The following COL4A3 variants were observed in gnomAD, a reference collection of about 807,000 sequenced individuals.
The protein encoded by COL4A3 is collagen type IV alpha 3 chain, also known as collagen alpha-3(IV) chain.
In COL4A3, 135 loss-of-function variants were observed where a neutral mutation model predicts 217.4. The ratio of observed to expected loss-of-function variants is 0.62; its 90% CI spans 0.54 to 0.72. The LOEUF is 0.72. Among genes scored for constraint, COL4A3 ranks in the 30% least tolerant of loss-of-function variants. COL4A3 has a pLI of 0.00. For missense variants in COL4A3, 1,868 were observed against 2,119.9 expected (o/e 0.88, Z 2.33); for synonymous variants, 690 against 736.3 (o/e 0.94, Z 1.02).
intron 47 of COL4A3, among the ~76,000 whole-genome samples, chr2:227,306,884 C>T (rs1043675683): frequency 3.3e-5 from 5 of 152,076 alleles, no homozygotes; most frequent in South Asian, 2.1e-4. Context: ...AGGGAGTCAG[C>T]GTACAGTGGC....
chr2:227,283,902 G>A (rs2072150671), intron 33 of COL4A3, 46 bp downstream of exon 33: 1 of 1,491,926 alleles, frequency 6.7e-7, no homozygotes, highest in Non-Finnish European at 9.4e-7. Context: ...CATAAACAAT[G>A]TTCATTTATT....
intron 30 of COL4A3, 82 bp downstream of exon 30, chr2:227,280,672 A>G (rs950012838): frequency 5.7e-5 from 85 of 1,487,678 alleles, no homozygotes; most frequent in Non-Finnish European, 6.9e-5. Flanking sequence ...TGTTCTAGGC[A>G]TGAAGAATTC....
chr2:227,282,489 T>C lies in COL4A3; in HGVS notation c.2613T>C (p.Gly871=), dbSNP rs2072047538. ...PGHQGEMGPL[G]QRGYPGNPGI... ...ATCAAGGTGAAATGGGACCACTGGG[T>C]CAAAGAGGATATCCAGGAAATCCGG... The change falls in exon 32 of 52, where the codon GGT becomes GGC. Residue 871 remains glycine (G), a synonymous_variant. Coordinates refer to ENST00000396578, the MANE Select transcript of COL4A3 (RefSeq NM_000091.5). The surrounding 1 kb of genome is among the most constrained non-coding windows in gnomAD (Gnocchi z 4.4). The C allele has an allele frequency of 2.5e-6, 4 of 1,613,840 alleles. No homozygotes were observed. The highest frequency in any genetic ancestry group is 3.4e-6 in the Non-Finnish European group (4 of 1,179,946).
At position 227,273,078 on chromosome 2, in the gene COL4A3, C is replaced by A. The variant is rs2071338833; in HGVS notation, c.1888C>A (p.Gln630Lys). ...AGGAGAACCTGGTCTCCAGGGCACG[C>A]AAGGAGTTCCTGGAGCCCCCGGACC... ...PQGEPGLQGT[Q>K]GVPGAPGPPG... The change falls in exon 26 of 52, where the codon CAA becomes AAA. Residue 630 changes from glutamine (Q) to lysine (K), a missense_variant. By Grantham distance (53) the Gln-to-Lys change is moderately conservative. Around this residue, in one of 2 missense-constraint regions of COL4A3, gnomAD observed 1,503 missense variants for 1,786.1 expected, o/e 0.84. Transcript: ENST00000396578. 6.2e-7 allele frequency: 1 copy of A among 1,613,916 alleles called. No homozygotes were observed. The highest frequency in any genetic ancestry group is 8.5e-7 in the Non-Finnish European group (1 of 1,180,034).
chr2:227,187,659 C>A (rs1217003814), intron 1 of COL4A3, among the ~76,000 whole-genome samples: 1 of 152,138 alleles, frequency 6.6e-6, no homozygotes, highest in African/African-American at 2.4e-5. Context: ...GCCCATTGTC[C>A]CTTCCACAGT....
At chr2:227,196,168 A>G (rs13392414) in intron 1 of COL4A3, among the ~76,000 whole-genome samples, 115,270 of 151,990 alleles carry the variant, frequency 0.76, 43,914 homozygotes, top group African/African-American at 0.8. Context: ...GGTAGCCTAA[A>G]TGTACAGTGT....
At chr2:227,229,177 T>C (rs75536146) in intron 1 of COL4A3, among the ~76,000 whole-genome samples, 14,783 of 152,172 alleles carry the variant, frequency 0.097, 884 homozygotes, top group East Asian at 0.28. Context: ...ACTGCGAGAA[T>C]TGAGATCAAG....
chr2:227,196,900 A>G (rs1474224195), intron 1 of COL4A3, among the ~76,000 whole-genome samples: 2 of 143,830 alleles, frequency 1.4e-5, no homozygotes, highest in Admixed American at 1.4e-4. Context: ...TCTCATCTTG[A>G]ATTGTGTAGC....
intron 2 of COL4A3, among the ~76,000 whole-genome samples, chr2:227,239,885 C>A (rs187650756): frequency 6.6e-6 from 1 of 152,148 alleles, no homozygotes; most frequent in African/African-American, 2.4e-5. Flanking sequence ...CATAGCCCTA[C>A]CATTTGGGAG....
intron 34 of COL4A3, among the ~76,000 whole-genome samples, chr2:227,286,597 A>G (rs1050222175): frequency 4.6e-5 from 7 of 152,216 alleles, no homozygotes; most frequent in Non-Finnish European, 5.9e-5. Flanking sequence ...GCCCAATGAC[A>G]CTCTGATAGG....
In COL4A3 at chr2:227,293,178, G is replaced by A. The variant is rs200555661; in HGVS notation, c.3211-13G>A. On this transcript the variant is annotated splice_polypyrimidine_tract_variant and intron_variant, in intron 37 of 51. Coordinates refer to ENST00000396578, the MANE Select transcript of COL4A3 (RefSeq NM_000091.5). ...TTATATGAGAATTTTAAAGGTATTT[G>A]ACTACATTTAAGGGGGATCCAGGAC... is the stretch of plus-strand genomic sequence containing the variant. 6.2e-7 allele frequency: 1 copy of A among 1,613,674 alleles called. No homozygotes were observed. Among genetic ancestry groups the A allele is most frequent in the Non-Finnish European group, 8.5e-7 (1 of 1,179,964 alleles).
chr2:227,218,478 G>A (rs1417976026), intron 1 of COL4A3, among the ~76,000 whole-genome samples: 1 of 151,980 alleles, frequency 6.6e-6, no homozygotes, highest in Non-Finnish European at 1.5e-5. Context: ...AAGAAGAAAA[G>A]AAAAAATGTC....
chr2:227,172,581 C>CTTTTTTTTTTTTTTTT (rs11315628), intron 1 of COL4A3, among the ~76,000 whole-genome samples: 1 of 73,596 alleles, frequency 1.4e-5, no homozygotes, highest in Admixed American at 1.8e-4. Flanking sequence ...TCGTCTTCTT[C>CTTTTTTTTTTTTTTTT]TTTTTTTTTT....
intron 1 of COL4A3, among the ~76,000 whole-genome samples, chr2:227,196,183 A>G (rs1016279218): frequency 1.3e-5 from 2 of 152,306 alleles, no homozygotes; most frequent in East Asian, 3.9e-4. Flanking sequence ...CAGTGTATAT[A>G]AAGTCTACAG....
At chr2:227,215,922 G>A (rs533180857) in intron 1 of COL4A3, among the ~76,000 whole-genome samples, 1 of 152,292 alleles carries the variant, frequency 6.6e-6, no homozygotes, top group East Asian at 1.9e-4. Context: ...GTGTTTACAT[G>A]CTACAACATA....
intron 1 of COL4A3, among the ~76,000 whole-genome samples, chr2:227,227,482 T>C (rs1235484582): frequency 1.3e-5 from 2 of 151,768 alleles, no homozygotes; most frequent in African/African-American, 4.8e-5. Context: ...CAGCCAATAT[T>C]GCATCACTGC....
intron 1 of COL4A3, among the ~76,000 whole-genome samples, chr2:227,167,714 A>G (rs1282967278): frequency 1.3e-5 from 2 of 152,218 alleles, no homozygotes; most frequent in Non-Finnish European, 2.9e-5. Context: ...ACAAAAAGTA[A>G]TGGAACAGAC....
rs139746530 is a variant in COL4A3 at position 227,181,359 on chromosome 2, C to T, written c.87+16546C>T. On this transcript the variant is annotated intron_variant, in intron 1 of 51. Transcript: ENST00000396578. ...ATTTACCGAGCACTTATGTGTGATG[C>T]ACTCTTTTACAGAAACTCTTGAAAT... 3.7e-3 allele frequency among the ~76,000 whole-genome samples: 558 copies of T among 152,286 alleles called. 4 individuals carry two copies. Among genetic ancestry groups the T allele is most frequent in the African/African-American group, 0.012 (488 of 41,556 alleles).
intron 23 of COL4A3, among the ~76,000 whole-genome samples, chr2:227,267,380 C>T (rs1262607999): frequency 6.6e-6 from 1 of 152,214 alleles, no homozygotes; most frequent in Admixed American, 6.5e-5. Context: ...AGTGAAGCAG[C>T]TGCATGAAAC....
Sources: gnomAD v4.1 joint callset for allele counts (sites outside exome capture counted in the v4.1 genomes callset) on GRCh38, gnomAD v4.1.1 for gene constraint, gnomAD v4.1.1 regional missense constraint, Gnocchi (gnomAD v3.1) non-coding constraint, MANE v1.5 for transcripts, NCBI Gene and HGNC (gene_info 2026-07-23, HGNC 2026-07-21) for gene names.